The following KIR2DL1 variants were observed in gnomAD, a reference collection of about 807,000 sequenced individuals.
KIR2DL1 encodes killer cell immunoglobulin like receptor, two Ig domains and long cytoplasmic tail 1.
Under a neutral mutation model 33.9 loss-of-function variants are expected in KIR2DL1, and 38 were observed. The ratio of observed to expected loss-of-function variants is 1.12; its 90% CI spans 0.86 to 1.47. The LOEUF (loss-of-function observed/expected upper bound fraction) is 1.47, where lower values mean the gene tolerates loss of function less well. Among genes scored for constraint, KIR2DL1 ranks in the 40% most tolerant of loss-of-function variants. KIR2DL1 has a pLI of 0.00. For missense variants in KIR2DL1, 531 were observed against 433.9 expected (o/e 1.22, Z -1.99); for synonymous variants, 179 against 165.9 (o/e 1.08, Z -0.61).
At chr19:54,783,428 T>G (rs1291195538) in intron 6 of KIR2DL1, 58 bp from the exon 7 acceptor site, 2 of 1,587,252 alleles carry the variant, frequency 1.3e-6, no homozygotes, top group African/African-American at 2.7e-5. Flanking sequence ...TATCTGCTTA[T>G]GAAATGAGGA....
At chr19:54,778,731 T>C in intron 5 of KIR2DL1, 69 bp downstream of exon 5, 2 of 1,357,686 alleles carry the variant, frequency 1.5e-6, no homozygotes, top group Non-Finnish European at 2.1e-6. Flanking sequence ...ATTCAGGCGT[T>C]GACTCAGCAT....
chr19:54,775,920 C>G (rs1339405712), intron 4 of KIR2DL1, among the ~76,000 whole-genome samples: 1 of 144,508 alleles, frequency 6.9e-6, no homozygotes, highest in Admixed American at 7.0e-5. Context: ...GAGGTGGAGT[C>G]TAGCTCTGTC....
chr19:54,771,204 G>A (rs1391718996), intron 2 of KIR2DL1, among the ~76,000 whole-genome samples: 2 of 148,452 alleles, frequency 1.3e-5, no homozygotes, highest in Non-Finnish European at 3.0e-5. Flanking sequence ...CAGTGTGGCT[G>A]CTGTCATTCT....
intron 5 of KIR2DL1, among the ~76,000 whole-genome samples, chr19:54,779,838 C>A (rs1328931595): frequency 7.2e-6 from 1 of 139,266 alleles, no homozygotes; most frequent in Non-Finnish European, 1.6e-5. Flanking sequence ...AATGAACGCA[C>A]AAGTGGATCT....
Position 54,782,863 on chromosome 19 carries a change from C to A in KIR2DL1, c.716-59C>A. The A allele has an allele frequency of 3.2e-6, 5 of 1,566,666 alleles. No individual in the cohort carries two copies. The South Asian group carries it at 4.4e-5, about 14-fold the overall frequency. ...TACCTGTCAATCAAGAAATGCGAGA[C>A]AATTCATAAAGAGGAACTGCTAAGA... On this transcript the variant is annotated intron_variant, in intron 5 of 7. Coordinates refer to ENST00000336077, the MANE Select transcript of KIR2DL1 (RefSeq NM_014218.3).
rs775351301 is a variant in KIR2DL1 at position 54,773,411 on chromosome 19, G to A, written c.149G>A (p.Trp50Ter). The part of the protein sequence containing the change: ...KSEETVILQC[W>*]SDVMFEHFLL... ...GAAGAGACAGTCATCCTGCAGTGTT[G>A]GTCAGATGTCATGTTTGAACACTTC... is the stretch of plus-strand genomic sequence containing the variant. The change falls in exon 3 of 8, where the codon TGG becomes TAG. Residue 50 changes from tryptophan (W) to a stop codon, truncating the protein, a stop_gained. Coordinates refer to ENST00000336077, the MANE Select transcript of KIR2DL1 (RefSeq NM_014218.3). LOFTEE classifies it high-confidence loss of function. The A allele has an allele frequency of 3.8e-6, 6 of 1,592,818 alleles. No individual in the cohort carries two copies. In the South Asian group the frequency reaches 6.6e-5, roughly 18 times the overall value.
chr19:54,774,982 A>G (rs1237139186), intron 3 of KIR2DL1, among the ~76,000 whole-genome samples, 183 bp from the exon 4 acceptor site: 3 of 148,188 alleles, frequency 2.0e-5, no homozygotes, highest in African/African-American at 7.4e-5. Context: ...AAGTGAGGTC[A>G]GAGACCTAGA....
intron 5 of KIR2DL1, among the ~76,000 whole-genome samples, chr19:54,779,845 A>G (rs1398899782): frequency 7.2e-6 from 1 of 138,490 alleles, no homozygotes; most frequent in Admixed American, 7.5e-5. Context: ...GCACAAGTGG[A>G]TCTATAAATG....
chr19:54,770,890 T>A lies in KIR2DL1; in HGVS notation c.70+6T>A, dbSNP rs758234089. ...GGGGGCCTGGCCACATGAGGGTGAG[T>A]CCTTCTCCCAACCTTCGGGTGTCAT... On this transcript the variant is annotated splice_donor_region_variant and intron_variant, in intron 2 of 7. Transcript: ENST00000336077. 12 of 1,583,246 alleles carry A rather than the reference T, an allele frequency of 7.6e-6. No individual in the cohort carries two copies. The Admixed American group carries it at 2.0e-4, about 27-fold the overall frequency.
At chr19:54,770,587 T>C (rs1269312731) in intron 1 of KIR2DL1, among the ~76,000 whole-genome samples, 1 of 142,076 alleles carries the variant, frequency 7.0e-6, no homozygotes, top group African/African-American at 2.6e-5. Flanking sequence ...GGATTGGCGA[T>C]ATGGGCTTAG....
chr19:54,772,428 C>A lies in KIR2DL1; in HGVS notation c.71-905C>A, dbSNP rs187215916. 4.4e-4 allele frequency among the ~76,000 whole-genome samples: 64 copies of A among 145,622 alleles called. 5 individuals are homozygous for A. Among genetic ancestry groups the A allele is most frequent in the African/African-American group, 1.5e-3 (61 of 39,570 alleles). ...ACCCACGACAAACAGGGTCCGATTT[C>A]TGTCTCCAGAATTGGAAGGGGTTAG... is the stretch of plus-strand genomic sequence containing the variant. On this transcript the variant is annotated intron_variant, in intron 2 of 7. Coordinates refer to ENST00000336077, the MANE Select transcript of KIR2DL1 (RefSeq NM_014218.3).
intron 4 of KIR2DL1, among the ~76,000 whole-genome samples, chr19:54,777,056 C>G (rs1017058607): frequency 1.1e-4 from 16 of 152,026 alleles, no homozygotes; most frequent in East Asian, 9.6e-4. Flanking sequence ...GCCAGCATTT[C>G]TTTTGCCTGT....
At chr19:54,770,418 G>A (rs1279603459) in intron 1 of KIR2DL1, among the ~76,000 whole-genome samples, 7 of 143,978 alleles carry the variant, frequency 4.9e-5, no homozygotes, top group African/African-American at 1.3e-4. Context: ...ATGGAGATAC[G>A]GGCCTGGGTG....
At chr19:54,778,694 G>A (rs758375706) in intron 5 of KIR2DL1, 32 bp downstream of exon 5, 3 of 1,481,516 alleles carry the variant, frequency 2.0e-6, no homozygotes, top group South Asian at 1.2e-5. Context: ...ATCCGCTTTT[G>A]GAACCCTGGG....
At position 54,783,848 on chromosome 19, in the gene KIR2DL1, G is replaced by A. The variant is rs536955612; in HGVS notation, c.*35G>A. 6.2e-7 allele frequency: 1 copy of A among 1,613,778 alleles called. No individual in the cohort carries two copies. The highest frequency in any genetic ancestry group is 1.1e-5 in the South Asian group (1 of 91,060). ...TCAGGCCTTGAGGGCGTCTTCTAGGGAGACAACAGCCCTGTCTCAAAACCG... is the reference window on the plus strand; with the variant it reads ...TCAGGCCTTGAGGGCGTCTTCTAGGAAGACAACAGCCCTGTCTCAAAACCG... On this transcript the variant is annotated 3_prime_UTR_variant, in exon 8 of 8. Transcript: ENST00000336077.
intron 4 of KIR2DL1, among the ~76,000 whole-genome samples, chr19:54,777,753 C>T (rs62122985): frequency 0.26 from 30,235 of 115,230 alleles, 1,122 homozygotes; most frequent in South Asian, 0.36. Flanking sequence ...TTCAGACAAA[C>T]GTCCTGGAGC....
Position 54,782,905 on chromosome 19 carries a change from G to C in KIR2DL1, c.716-17G>C. 1.2e-6 allele frequency: 2 copies of C among 1,608,464 alleles called. No individual in the cohort carries two copies. Among genetic ancestry groups the C allele is most frequent in the Non-Finnish European group, 1.7e-6 (2 of 1,175,252 alleles). On this transcript the variant is annotated splice_polypyrimidine_tract_variant and intron_variant, in intron 5 of 7. Coordinates refer to ENST00000336077, the MANE Select transcript of KIR2DL1 (RefSeq NM_014218.3). ...CTGCTAAGATTAGCTTCTTATTGGT[G>C]TCTCATCTTCTTCCAGGTAACCCCC...
rs770060244 is a variant in KIR2DL1, at chr19:54,775,047, TGAGA to T, written c.371-102_371-99del. 1,728 of 1,139,854 alleles carry T rather than the reference TGAGA, an allele frequency of 1.5e-3. 7 individuals are homozygous for T. The highest frequency in any genetic ancestry group is 3.7e-3 in the Admixed American group (140 of 37,706). 70.6% of individuals were successfully genotyped at this position (1,139,854 alleles called of 1,614,324 possible). On this transcript the variant is annotated intron_variant, in intron 3 of 7. Transcript: ENST00000336077. Reference sequence around the variant, plus strand: ...ACATGAAGAGCGATGGGGTAGAGGGTGAGAGAGAGAGAGAGAGAGCATTAGGTCA... The same window carrying T: ...ACATGAAGAGCGATGGGGTAGAGGGTGAGAGAGAGAGAGAGCATTAGGTCA...
intron 2 of KIR2DL1, among the ~76,000 whole-genome samples, chr19:54,772,210 C>A (rs2075812828): frequency 6.8e-6 from 1 of 147,278 alleles, no homozygotes; most frequent in Non-Finnish European, 1.5e-5. Flanking sequence ...AGTGTAGTCA[C>A]AGGGGTCCAC....
Sources: gnomAD v4.1 joint callset for allele counts (sites outside exome capture counted in the v4.1 genomes callset) on GRCh38, gnomAD v4.1.1 for gene constraint, MANE v1.5 for transcripts, NCBI Gene and HGNC (gene_info 2026-07-23, HGNC 2026-07-21) for gene names.